The following ADGB variants were observed in gnomAD, a reference collection of about 807,000 sequenced individuals.
ADGB encodes the protein calpain-7-like protein.
Under a neutral mutation model 210.5 loss-of-function variants are expected in ADGB, and 172 were observed. The ratio of observed to expected loss-of-function variants is 0.82; its 90% CI spans 0.72 to 0.93. The LOEUF (loss-of-function observed/expected upper bound fraction) is 0.93. Among genes scored for constraint, ADGB ranks in the 40% least tolerant of loss-of-function variants. The pLI, the probability that ADGB is intolerant of heterozygous loss-of-function variation, is 0.00. For synonymous variants in ADGB, 658 were observed against 662.7 expected (o/e 0.99, Z 0.11); for missense variants, 2,025 against 1,964.8 (o/e 1.03, Z -0.58).
At chr6:146,774,783 T>G (rs1023274988) in intron 29 of ADGB, among the ~76,000 whole-genome samples, 1 of 152,160 alleles carries the variant, frequency 6.6e-6, no homozygotes, top group Admixed American at 6.6e-5. Context: ...ATAGAAAAAT[T>G]ACATATATAG....
intron 1 of ADGB, among the ~76,000 whole-genome samples, chr6:146,628,687 C>T (rs926735219): frequency 6.6e-5 from 10 of 151,826 alleles, no homozygotes; most frequent in Non-Finnish European, 1.3e-4. Flanking sequence ...TAGTGATGCC[C>T]TTTCTTCCTT....
rs1363067477 is a variant in ADGB, at chr6:146,692,881, T to C, written c.1543T>C (p.Tyr515His). The change falls in exon 12 of 36, where the codon TAT becomes CAT. Residue 515 changes from tyrosine to histidine, a missense_variant. Coordinates refer to ENST00000397944, the MANE Select transcript of ADGB (RefSeq NM_024694.4). ...FLEISSPFLNYRMTPFTIPTE... is the reference protein window; with the variant it reads ...FLEISSPFLNHRMTPFTIPTE... ...TGAGATTTCAAGTCCATTTTTGAAT[T>C]ATAGAATGACTCCATTTACAATTCC... 6.5e-7 allele frequency: 1 copy of C among 1,538,978 alleles called. No homozygotes were observed. Among genetic ancestry groups the C allele is most frequent in the South Asian group, 1.2e-5 (1 of 82,728 alleles).
At chr6:146,745,016 A>C (rs777174667) in intron 25 of ADGB, among the ~76,000 whole-genome samples, 2 of 152,146 alleles carry the variant, frequency 1.3e-5, no homozygotes, top group African/African-American at 2.4e-5. Context: ...CTTGCCCCAA[A>C]CATGATGTCA....
At chr6:146,806,647 A>G (rs1778216357) in intron 35 of ADGB, among the ~76,000 whole-genome samples, 1 of 152,224 alleles carries the variant, frequency 6.6e-6, no homozygotes, top group East Asian at 1.9e-4. Context: ...CATTTCTAGA[A>G]GAGTCTTTTC....
intron 9 of ADGB, among the ~76,000 whole-genome samples, chr6:146,677,784 G>A (rs565253097): frequency 2.0e-5 from 3 of 152,310 alleles, no homozygotes; most frequent in South Asian, 4.1e-4. Flanking sequence ...CCAACACTGA[G>A]TGTATAAGTA....
chr6:146,684,754 G>C (rs1358053908), intron 9 of ADGB, among the ~76,000 whole-genome samples: 1 of 152,040 alleles, frequency 6.6e-6, no homozygotes, highest in African/African-American at 2.4e-5. Context: ...TTAAAAGTTA[G>C]TTGGGGAGAC....
At chr6:146,708,482 T>A (rs890646424) in intron 13 of ADGB, among the ~76,000 whole-genome samples, 2 of 152,136 alleles carry the variant, frequency 1.3e-5, no homozygotes, top group Non-Finnish European at 2.9e-5. Flanking sequence ...ACATCTTTTT[T>A]AAGTACAGTA....
intron 1 of ADGB, among the ~76,000 whole-genome samples, chr6:146,617,475 T>C (rs768237319): frequency 4.6e-4 from 70 of 152,118 alleles, no homozygotes; most frequent in Non-Finnish European, 6.8e-4. Context: ...CCATACAATG[T>C]TGAATGAAAG....
intron 13 of ADGB, among the ~76,000 whole-genome samples, chr6:146,712,314 A>T (rs997376855): frequency 6.6e-6 from 1 of 151,792 alleles, no homozygotes; most frequent in Non-Finnish European, 1.5e-5. Flanking sequence ...CCTCCCAAGT[A>T]GCTGGGGCTA....
At chr6:146,755,227 C>G (rs1284616041) in intron 27 of ADGB, among the ~76,000 whole-genome samples, 2 of 152,006 alleles carry the variant, frequency 1.3e-5, no homozygotes, top group African/African-American at 4.8e-5. Flanking sequence ...GTTTAGTTTT[C>G]CATCCTCTAC....
intron 10 of ADGB, among the ~76,000 whole-genome samples, chr6:146,686,065 A>G (rs767799319): frequency 1.5e-4 from 23 of 152,128 alleles, no homozygotes; most frequent in Non-Finnish European, 2.6e-4. Context: ...AAGAAAAAAT[A>G]CATAGTCACT....
chr6:146,803,941 T>A (rs116340177), intron 35 of ADGB: 1 of 246,540 alleles, frequency 4.1e-6, no homozygotes, highest in Middle Eastern at 1.3e-3. Flanking sequence ...TAGCAATTGG[T>A]GGCAGCAGAT....
In ADGB at chr6:146,747,049, T is replaced by C. The variant is rs140919510; in HGVS notation, c.3365+940T>C. 1.3e-4 allele frequency among the ~76,000 whole-genome samples: 20 copies of C among 152,300 alleles called. No homozygotes were observed. The East Asian group carries it at 2.9e-3, about 22-fold the overall frequency. On this transcript the variant is annotated intron_variant, in intron 26 of 35. Transcript: ENST00000397944. ...TAGTCCTTTGTTCTCTCTGAGACTG[T>C]GACATATCAAATTTTATCTAGTTAA... is the stretch of plus-strand genomic sequence containing the variant.
intron 13 of ADGB, among the ~76,000 whole-genome samples, chr6:146,704,716 G>C (rs951841253): frequency 2.0e-5 from 3 of 152,054 alleles, no homozygotes; most frequent in Non-Finnish European, 4.4e-5. Flanking sequence ...CAGGTAGTGT[G>C]ATGCCTCCTG....
intron 1 of ADGB, among the ~76,000 whole-genome samples, chr6:146,609,443 G>A (rs929851149): frequency 2.0e-5 from 3 of 152,142 alleles, no homozygotes; most frequent in African/African-American, 7.2e-5. Context: ...AGACTTGTCT[G>A]TGTAGTTAAT....
intron 9 of ADGB, among the ~76,000 whole-genome samples, chr6:146,678,096 C>T (rs1181539017): frequency 1.3e-5 from 2 of 152,164 alleles, no homozygotes; most frequent in African/African-American, 2.4e-5. Context: ...TGTTATAATT[C>T]ATTTCCTTCA....
intron 32 of ADGB, among the ~76,000 whole-genome samples, chr6:146,786,198 T>C (rs1777871902): frequency 6.8e-6 from 1 of 148,012 alleles, no homozygotes; most frequent in Non-Finnish European, 1.5e-5. Flanking sequence ...TATTATATTA[T>C]ATATATTTAA....
At chr6:146,634,784 A>C (rs1193878920) in intron 1 of ADGB, among the ~76,000 whole-genome samples, 1 of 152,080 alleles carries the variant, frequency 6.6e-6, no homozygotes, top group African/African-American at 2.4e-5. Flanking sequence ...TTGTTTATGA[A>C]AGTGAAAAAT....
intron 26 of ADGB, among the ~76,000 whole-genome samples, chr6:146,750,025 C>T (rs979083985): frequency 2.6e-4 from 39 of 152,012 alleles, no homozygotes; most frequent in Admixed American, 2.2e-3. Context: ...ACCATATCAC[C>T]GGTGTTGCTG....
Sources: allele counts gnomAD v4.1 joint callset (sites outside exome capture counted in the v4.1 genomes callset), GRCh38; gene constraint gnomAD v4.1.1; transcripts MANE v1.5; gene names NCBI Gene and HGNC (gene_info 2026-07-23, HGNC 2026-07-21).